The following FER variants were observed in gnomAD, a reference collection of about 807,000 sequenced individuals.
FER encodes the protein tyrosine-protein kinase Fer.
A neutral mutation model predicts 111.0 loss-of-function variants in FER; 63 were observed. The ratio of observed to expected loss-of-function variants is 0.57; its 90% CI spans 0.46 to 0.70. The LOEUF (loss-of-function observed/expected upper bound fraction) is 0.70, where lower values mean the gene tolerates loss of function less well. FER is among the 30% of genes least tolerant of loss of function. The pLI, the probability that FER is intolerant of heterozygous loss-of-function variation, is 0.00. For missense variants in FER, 914 were observed against 954.0 expected (o/e 0.96, Z 0.55); for synonymous variants, 327 against 313.9 (o/e 1.04, Z -0.44).
chr5:109,125,218 A>G (rs1751559717), intron 17 of FER, among the ~76,000 whole-genome samples: 1 of 152,094 alleles, frequency 6.6e-6, no homozygotes, highest in Non-Finnish European at 1.5e-5. Context: ...ATATACATAC[A>G]TTAGAACTCT....
chr5:108,851,939 C>T (rs977175259), intron 5 of FER, among the ~76,000 whole-genome samples: 1 of 152,192 alleles, frequency 6.6e-6, no homozygotes, highest in Non-Finnish European at 1.5e-5. Context: ...GATAGCTACT[C>T]CACATTACAC....
At position 109,190,111 on chromosome 5, in the gene FER, G is replaced by A. The variant is rs1251277910; in HGVS notation, c.*2536G>A. The A allele has an allele frequency of 6.6e-6, 1 of 152,064 alleles. No individual in the cohort carries two copies. The allele number at this position is 152,064 out of a possible 1,614,324, so 9.4% of individuals were successfully genotyped here. ...CACTGTTAATTTTGTTGTGCTTGAA[G>A]CATAATTTATTCATCCCTTCTGTCA... On this transcript the variant is annotated 3_prime_UTR_variant, in exon 20 of 20. Coordinates refer to ENST00000281092, the MANE Select transcript of FER (RefSeq NM_005246.4).
chr5:108,951,499 T>C (rs1183696185), intron 11 of FER, among the ~76,000 whole-genome samples: 1 of 152,150 alleles, frequency 6.6e-6, no homozygotes, highest in South Asian at 2.1e-4. Flanking sequence ...TGAATTACTC[T>C]TTGTCACCCT....
intron 2 of FER, among the ~76,000 whole-genome samples, chr5:108,794,923 C>T (rs945165566): frequency 6.6e-6 from 1 of 152,172 alleles, no homozygotes; most frequent in Non-Finnish European, 1.5e-5. Context: ...ATATTTACAT[C>T]TTTCTACAGG....
chr5:108,808,836 C>T (rs963198587), intron 3 of FER, among the ~76,000 whole-genome samples: 1 of 152,176 alleles, frequency 6.6e-6, no homozygotes, highest in Non-Finnish European at 1.5e-5. Flanking sequence ...ATTCCTCCTT[C>T]ACTTACGATG....
intron 10 of FER, among the ~76,000 whole-genome samples, chr5:108,923,372 A>T (rs1225598401): frequency 1.3e-5 from 2 of 152,148 alleles, no homozygotes; most frequent in African/African-American, 4.8e-5. Flanking sequence ...GCATCTAATT[A>T]TAAAGGGAGC....
At chr5:109,052,249 A>T in intron 16 of FER, 9 of 1,607,138 alleles carry the variant, frequency 5.6e-6, no homozygotes, top group Non-Finnish European at 3.4e-6. Context: ...AGAGATTGGG[A>T]AAGACTTGTC....
chr5:108,952,683 A>C (rs1010617161), intron 11 of FER, among the ~76,000 whole-genome samples: 1 of 152,158 alleles, frequency 6.6e-6, no homozygotes, highest in Non-Finnish European at 1.5e-5. Context: ...AACAAAACTC[A>C]GATACTTTCC....
intron 10 of FER, among the ~76,000 whole-genome samples, chr5:108,927,003 G>A (rs11959783): frequency 0.016 from 2,402 of 152,082 alleles, 51 homozygotes; most frequent in African/African-American, 0.055. Flanking sequence ...GTAAGCCATA[G>A]CCCCTCAAGC....
chr5:109,022,051 G>A (rs902469966), intron 13 of FER, among the ~76,000 whole-genome samples: 2 of 152,164 alleles, frequency 1.3e-5, no homozygotes, highest in East Asian at 3.9e-4. Flanking sequence ...TACTTCTCTG[G>A]CTCCATTTTG....
chr5:108,917,375 A>G (rs536314060), intron 10 of FER, among the ~76,000 whole-genome samples: 1 of 152,296 alleles, frequency 6.6e-6, no homozygotes, highest in Admixed American at 6.5e-5. Context: ...GTATATGGGG[A>G]GTAAAACAAG....
intron 16 of FER, among the ~76,000 whole-genome samples, chr5:109,053,800 C>T (rs1773221127): frequency 6.6e-6 from 1 of 150,532 alleles, no homozygotes; most frequent in Admixed American, 6.6e-5. Context: ...ACGCCATTCT[C>T]CTGCCTCAGC....
chr5:109,137,085 G>A (rs118143225), intron 17 of FER, among the ~76,000 whole-genome samples: 6,367 of 149,936 alleles, frequency 0.042, 164 homozygotes, highest in South Asian at 0.085. Context: ...AATATTTTTC[G>A]TTGTGTCTTG....
At chr5:108,785,857 T>C (rs545803748) in intron 2 of FER, among the ~76,000 whole-genome samples, 20 of 152,378 alleles carry the variant, frequency 1.3e-4, no homozygotes, top group East Asian at 7.7e-4. Context: ...ATCCTGCCTC[T>C]GTGCTGTTCT....
Position 108,954,719 on chromosome 5 carries a change from T to C in FER, c.1330-10T>C. 2 of 1,497,586 alleles carry C rather than the reference T, an allele frequency of 1.3e-6. No homozygotes were observed. Among genetic ancestry groups the C allele is most frequent in the South Asian group, 1.4e-5 (1 of 70,694 alleles). The allele number at this position is 1,497,586 out of a possible 1,614,324, so 92.8% of individuals were successfully genotyped here. A position where few individuals can be genotyped will look rare whatever the true frequency, so the allele number is the denominator to read the frequency against. ...CTAATTTAGTTTTTTTTTTTTAATA[T>C]TTGTTTAAGCTTTCTGATATGATCT... On this transcript the variant is annotated splice_polypyrimidine_tract_variant and intron_variant, in intron 11 of 19. Transcript: ENST00000281092.
intron 1 of FER, among the ~76,000 whole-genome samples, chr5:108,760,458 T>C (rs1246032511): frequency 6.6e-6 from 1 of 152,210 alleles, no homozygotes; most frequent in Non-Finnish European, 1.5e-5. Context: ...GATGACATTT[T>C]CTTTCTATAT....
At chr5:109,103,381 T>C (rs1468691391) in intron 17 of FER, among the ~76,000 whole-genome samples, 1 of 152,190 alleles carries the variant, frequency 6.6e-6, no homozygotes, top group African/African-American at 2.4e-5. Flanking sequence ...ACATATTCTT[T>C]CTTTAGCTTT....
intron 13 of FER, among the ~76,000 whole-genome samples, chr5:109,003,716 T>A (rs2059777): frequency 0.99 from 151,437 of 152,282 alleles, 75,303 homozygotes; most frequent in East Asian, 1. Flanking sequence ...ATGGTTTCTC[T>A]TACATGTAAT....
intron 14 of FER, among the ~76,000 whole-genome samples, chr5:109,043,734 A>T (rs929117248): frequency 1.3e-5 from 2 of 152,198 alleles, no homozygotes; most frequent in African/African-American, 4.8e-5. Context: ...GCATTTTGGA[A>T]GGCCAAGGCA....
Sources: gnomAD v4.1 joint callset for allele counts (sites outside exome capture counted in the v4.1 genomes callset) on GRCh38, gnomAD v4.1.1 for gene constraint, MANE v1.5 for transcripts, NCBI Gene and HGNC (gene_info 2026-07-23, HGNC 2026-07-21) for gene names.